RNF150: variants seen among roughly 807,000 people sequenced by gnomAD.
RNF150 encodes ring finger protein 150.
A neutral mutation model predicts 39.3 loss-of-function variants in RNF150; 24 were observed. The ratio of observed to expected loss-of-function variants is 0.61; its 90% CI spans 0.44 to 0.86. The LOEUF (loss-of-function observed/expected upper bound fraction) is 0.86. Ranked by LOEUF, RNF150 falls within the 40% of genes least tolerant of loss-of-function variation. The pLI is 0.00. For missense variants in RNF150, 502 were observed against 587.8 expected, an observed-to-expected ratio of 0.85 and a Z score of 1.51; for synonymous variants, 255 against 227.3, an observed-to-expected ratio of 1.12 and a Z score of -1.10.
chr4:140,932,698 T>C (rs1441435946), intron 4 of RNF150, among the ~76,000 whole-genome samples: 1 of 152,214 alleles, frequency 6.6e-6, no homozygotes, highest in African/African-American at 2.4e-5. Flanking sequence ...CACCCAATAC[T>C]GTCACCCAGT....
chr4:141,186,468 G>A (rs985188174), intron 1 of RNF150, among the ~76,000 whole-genome samples: 5 of 152,064 alleles, frequency 3.3e-5, no homozygotes, highest in African/African-American at 9.6e-5. Context: ...GCACGATCTC[G>A]GCTCACTGCA....
intron 4 of RNF150, among the ~76,000 whole-genome samples, chr4:140,939,298 T>C (rs1426487632): frequency 6.6e-6 from 1 of 152,224 alleles, no homozygotes; most frequent in Non-Finnish European, 1.5e-5. Context: ...ACACTAAGGC[T>C]TTTAGTTATG....
chr4:140,934,499 C>T (rs542431313), intron 4 of RNF150, among the ~76,000 whole-genome samples: 10 of 152,112 alleles, frequency 6.6e-5, no homozygotes, highest in Non-Finnish European at 1.2e-4. Context: ...TGCTGCTCAC[C>T]GCACAAGCAC....
intron 1 of RNF150, among the ~76,000 whole-genome samples, chr4:141,161,512 CA>C (rs887419303): frequency 6.6e-6 from 1 of 152,206 alleles, no homozygotes; most frequent in Non-Finnish European, 1.5e-5. Context: ...GAAATTCAAG[CA>C]GGCTGCACAA....
At chr4:141,100,504 T>G (rs1169046501) in intron 1 of RNF150, among the ~76,000 whole-genome samples, 1 of 152,246 alleles carries the variant, frequency 6.6e-6, no homozygotes, top group Non-Finnish European at 1.5e-5. Flanking sequence ...GTTCACACTT[T>G]CATTCTGTAG....
chr4:141,169,742 T>C (rs568180375), intron 1 of RNF150, among the ~76,000 whole-genome samples: 1 of 152,186 alleles, frequency 6.6e-6, no homozygotes, highest in Non-Finnish European at 1.5e-5. Flanking sequence ...GTCTAGCCCT[T>C]GTTTTGTTGT....
At chr4:141,082,765 T>G (rs1738209057) in intron 1 of RNF150, among the ~76,000 whole-genome samples, 2 of 151,930 alleles carry the variant, frequency 1.3e-5, no homozygotes, top group African/African-American at 2.4e-5. Flanking sequence ...ATTTTTTGTA[T>G]TTTTAGTAGA....
chr4:141,010,800 C>T (rs978265895), intron 1 of RNF150, among the ~76,000 whole-genome samples: 2 of 152,068 alleles, frequency 1.3e-5, no homozygotes, highest in African/African-American at 2.4e-5. Flanking sequence ...AGGGAGGAGG[C>T]TGCCTGGGCC....
At chr4:141,065,899 T>A (rs147481268) in intron 1 of RNF150, among the ~76,000 whole-genome samples, 119 of 152,224 alleles carry the variant, frequency 7.8e-4, no homozygotes, top group African/African-American at 2.8e-3. Context: ...TATCTCTATT[T>A]TGATGTTGAA....
chr4:141,071,378 A>G (rs186436263), intron 1 of RNF150, among the ~76,000 whole-genome samples: 1 of 150,380 alleles, frequency 6.6e-6, no homozygotes, highest in East Asian at 1.9e-4. Context: ...AACTTAAAGT[A>G]TAATTAAAAA....
At chr4:140,973,334 T>C (rs1294203255) in intron 1 of RNF150, among the ~76,000 whole-genome samples, 1 of 152,168 alleles carries the variant, frequency 6.6e-6, no homozygotes, top group Non-Finnish European at 1.5e-5. Flanking sequence ...TGTCACCATG[T>C]CTGTTTATGA....
At chr4:141,190,099 G>C (rs1350907294) in intron 1 of RNF150, among the ~76,000 whole-genome samples, 1 of 152,110 alleles carries the variant, frequency 6.6e-6, no homozygotes, top group Admixed American at 6.5e-5. Flanking sequence ...CTGGCCCCTT[G>C]CACTTCCTGG....
chr4:141,139,000 T>A (rs747007657), intron 1 of RNF150, among the ~76,000 whole-genome samples: 6 of 151,606 alleles, frequency 4.0e-5, no homozygotes, highest in Non-Finnish European at 7.4e-5. Flanking sequence ...AGGTCAGGAG[T>A]TCAAGACCAG....
intron 1 of RNF150, among the ~76,000 whole-genome samples, chr4:140,972,174 T>C (rs1049729435): frequency 3.3e-5 from 5 of 152,200 alleles, no homozygotes; most frequent in Non-Finnish European, 7.3e-5. Flanking sequence ...ACACTTAATA[T>C]CTACTTTTTC....
At chr4:140,873,730 G>A (rs1321240803) in intron 6 of RNF150, among the ~76,000 whole-genome samples, 2 of 152,152 alleles carry the variant, frequency 1.3e-5, no homozygotes, top group Non-Finnish European at 2.9e-5. Context: ...CAAGCTGAGT[G>A]CAGTGGCATG....
At position 140,911,311 on chromosome 4, in the gene RNF150, C is replaced by T. The variant is rs1276440910; in HGVS notation, c.1031G>A (p.Gly344Asp). The change falls in exon 6 of 7, where the codon GGC (glycine) becomes GAC (aspartate). Residue 344 changes from glycine (G) to aspartate (D), a missense_variant. Gly to Asp is a moderately conservative substitution (Grantham distance 94, BLOSUM62 -1). Coordinates refer to ENST00000515673, the MANE Select transcript of RNF150 (RefSeq NM_020724.2). Reference sequence around the variant, plus strand: ...GTTGGTGGGTGGACCTCCCAGAGAGCCCTCGAAGTCAGTGGGCAAGTCGTC... The same window carrying T: ...GTTGGTGGGTGGACCTCCCAGAGAGTCCTCGAAGTCAGTGGGCAAGTCGTC... ...CMDDLPTDFE[G>D]SLGGPPTNQI... 10 of 1,614,112 alleles carry T rather than the reference C, an allele frequency of 6.2e-6. No individual in the cohort carries two copies. Among genetic ancestry groups the T allele is most frequent in the Non-Finnish European group, 8.5e-6 (10 of 1,180,022 alleles).
chr4:141,044,750 T>C (rs1163991529), intron 1 of RNF150, among the ~76,000 whole-genome samples: 2 of 147,198 alleles, frequency 1.4e-5, no homozygotes, highest in East Asian at 2.0e-4. Context: ...AGTAAAGAGC[T>C]CATGCATGCG....
intron 1 of RNF150, among the ~76,000 whole-genome samples, chr4:141,106,204 A>G (rs925965863): frequency 6.6e-6 from 1 of 152,214 alleles, no homozygotes; most frequent in Non-Finnish European, 1.5e-5. Context: ...TACTTTGTTC[A>G]CACAAATAAT....
At position 141,133,118 on chromosome 4, in the gene RNF150, G is replaced by A. The variant is rs909509874; in HGVS notation, c.-310C>T. 6.2e-6 allele frequency: 2 copies of A among 320,284 alleles called. No individual in the cohort carries two copies. The highest frequency in any genetic ancestry group is 5.3e-5 in the Admixed American group (1 of 18,890). The allele number at this position is 320,284 out of a possible 1,614,324, so 19.8% of individuals were successfully genotyped here. A position where few individuals can be genotyped will look rare whatever the true frequency, so the allele number is the denominator to read the frequency against. ...CTGCTGCCGAGCGTCCTGCTCCTTC[G>A]CCCGGCTTCGCCTTCTCTCATAAGG... On this transcript the variant is annotated 5_prime_UTR_variant, in exon 1 of 7. It introduces an in-frame stop codon into an upstream open reading frame of the 5' UTR. Coordinates refer to ENST00000515673, the MANE Select transcript of RNF150 (RefSeq NM_020724.2).
Sources: allele counts gnomAD v4.1 joint callset (sites outside exome capture counted in the v4.1 genomes callset), GRCh38; gene constraint gnomAD v4.1.1; transcripts MANE v1.5; gene names NCBI Gene and HGNC (gene_info 2026-07-23, HGNC 2026-07-21).